The following NLRP1 variants were observed in gnomAD, a reference collection of about 807,000 sequenced individuals.
NLRP1 encodes NLR family pyrin domain containing 1, also known as NACHT, LRR and PYD domains-containing protein 1.
NLRP1 carries 94 observed loss-of-function variants against 136.7 expected under a neutral mutation model. That is an observed-to-expected ratio of 0.69 (90% CI 0.58 to 0.82). The LOEUF (loss-of-function observed/expected upper bound fraction) is 0.82. Ranked by LOEUF, NLRP1 falls within the 40% of genes least tolerant of loss-of-function variation. NLRP1 has a pLI of 0.00. For synonymous variants in NLRP1, 690 were observed against 725.1 expected, an observed-to-expected ratio of 0.95 and a Z score of 0.78; for missense variants, 1,575 against 1,802.7, an observed-to-expected ratio of 0.87 and a Z score of 2.29.
chr17:5,558,703 G>C lies in NLRP1; in HGVS notation c.1993C>G (p.Leu665Val). The change falls in exon 4 of 17, where the codon CTG becomes GTG. Residue 665 changes from leucine to valine, a missense_variant. By Grantham distance (32) the Leu-to-Val change is conservative (BLOSUM62 1). Transcript: ENST00000572272. ...KTLEAYGIHGLFGASTTRFLL... is the reference protein window; with the variant it reads ...KTLEAYGIHGVFGASTTRFLL... ...AAACGTGTGGTTGATGCCCCAAACA[G>C]GCCATGTATTCCATATGCTTCTAGC... 6.2e-7 allele frequency: 1 copy of C among 1,614,054 alleles called. No homozygotes were observed. The highest frequency in any genetic ancestry group is 8.5e-7 in the Non-Finnish European group (1 of 1,180,014).
At chr17:5,525,086 C>T (rs1057078120) in intron 12 of NLRP1, among the ~76,000 whole-genome samples, 5 of 152,318 alleles carry the variant, frequency 3.3e-5, no homozygotes, top group African/African-American at 1.2e-4. Context: ...TGGAGGAAGT[C>T]TCACTGGCAG....
chr17:5,536,912 T>A lies in NLRP1; in HGVS notation c.2899A>T (p.Met967Leu), dbSNP rs768862341. The A allele has an allele frequency of 3.1e-6, 5 of 1,613,706 alleles. No individual in the cohort carries two copies. Among genetic ancestry groups the A allele is most frequent in the Admixed American group, 3.3e-5 (2 of 60,014 alleles). Residue 967 changes from methionine (M) to leucine (L), a missense_variant, in exon 8 of 17, where the codon ATG becomes TTG. Transcript: ENST00000572272. ...GLDQTTLSDE[M>L]RQELRALEQE... The stretch of plus-strand genomic sequence containing the variant: ...TCCAGGGCCCTCAGTTCCTGCCTCA[T>A]CTCATCACTCAGAGTTGTCTGGTCC...
chr17:5,516,108 C>T (rs971896574), intron 15 of NLRP1, among the ~76,000 whole-genome samples: 2 of 143,338 alleles, frequency 1.4e-5, no homozygotes, highest in African/African-American at 5.1e-5. Flanking sequence ...GGGAAGTTCA[C>T]AGCAGCTCGC....
intron 3 of NLRP1, among the ~76,000 whole-genome samples, chr17:5,577,369 G>T (rs143648790): frequency 0.018 from 2,706 of 152,230 alleles, 75 homozygotes; most frequent in African/African-American, 0.062. Context: ...AAACCCCATC[G>T]TCTCAGCCCA....
chr17:5,560,095 A>G, intron 3 of NLRP1, 52 bp from the exon 4 acceptor site: 1 of 1,434,436 alleles, frequency 7.0e-7, no homozygotes, highest in Non-Finnish European at 9.2e-7. Flanking sequence ...AGAAGAATTA[A>G]TTAATTAATT....
intron 3 of NLRP1, among the ~76,000 whole-genome samples, chr17:5,568,991 T>A (rs1428835107): frequency 2.0e-5 from 3 of 152,066 alleles, no homozygotes; most frequent in Non-Finnish European, 2.9e-5. Context: ...ACTATGACTG[T>A]GCTCCAACCA....
intron 5 of NLRP1, among the ~76,000 whole-genome samples, chr17:5,546,944 C>A (rs186462646): frequency 1.3e-5 from 2 of 152,076 alleles, no homozygotes; most frequent in African/African-American, 4.8e-5. Flanking sequence ...GGTGCTACCC[C>A]CAGTGAGCCA....
In NLRP1 at chr17:5,559,985, C is replaced by A. The variant is rs1298711805; in HGVS notation, c.711G>T (p.Val237=). ...TGTGCGCCTGTGGGGGCGTTCCTAC[C>A]ACCGCTGCCCATGGGGGCCTGCCTT... The part of the protein sequence containing the change: ...SEKGRPPWAA[V]VGTPPQAHTS... Residue 237 remains valine (V), a synonymous_variant, in exon 4 of 17, where the codon GTG becomes GTT. Coordinates refer to ENST00000572272, the MANE Select transcript of NLRP1 (RefSeq NM_033004.4). 3.1e-6 allele frequency: 5 copies of A among 1,606,578 alleles called. No homozygotes were observed. Among genetic ancestry groups the A allele is most frequent in the Non-Finnish European group, 4.2e-6 (5 of 1,176,682 alleles).
rs767434640 is a variant in NLRP1 at position 5,533,898 on chromosome 17, T to C, written c.3051A>G (p.Ser1017=). ...TSSLKRQRLG[S]ERAASHVAQA... is the part of the protein sequence containing the mutation. ...CCCAGCCTTGCCCCTTCAAACTACC[T>C]GATCCGAGTCTCTGCCGCTTGAGTG... The change falls in exon 9 of 17, where the codon TCA becomes TCG. Residue 1017 remains serine, a splice_region_variant and synonymous_variant. Coordinates refer to ENST00000572272, the MANE Select transcript of NLRP1 (RefSeq NM_033004.4). The C allele has an allele frequency of 6.2e-7, 1 of 1,606,038 alleles. No homozygotes were observed. The highest frequency in any genetic ancestry group is 8.5e-7 in the Non-Finnish European group (1 of 1,174,252).
At chr17:5,516,264 C>G (rs1267680676) in intron 15 of NLRP1, among the ~76,000 whole-genome samples, 1 of 152,118 alleles carries the variant, frequency 6.6e-6, no homozygotes, top group African/African-American at 2.4e-5. Context: ...TTTACATGCT[C>G]TCTGCTGACT....
downstream of NLRP1, among the ~76,000 whole-genome samples, chr17:5,509,711 G>T (rs879868472): frequency 1.3e-5 from 2 of 152,128 alleles, no homozygotes; most frequent in Non-Finnish European, 2.9e-5. Context: ...TGCTATGTTG[G>T]CCAGGCCGGT....
At chr17:5,560,389 A>G (rs548756196) in intron 3 of NLRP1, among the ~76,000 whole-genome samples, 7 of 152,188 alleles carry the variant, frequency 4.6e-5, no homozygotes, top group Non-Finnish European at 8.8e-5. Context: ...ATTAGCCCCT[A>G]TGAGCCTCAG....
chr17:5,536,782 GCT>G, intron 8 of NLRP1, 67 bp downstream of exon 8: 1 of 1,111,854 alleles, frequency 9.0e-7, no homozygotes, highest in Admixed American at 1.7e-5. Context: ...TCACCCCATG[GCT>G]CTTTCCCTGT....
downstream of NLRP1, among the ~76,000 whole-genome samples, chr17:5,510,686 T>A (rs1434960641): frequency 4.0e-5 from 6 of 151,802 alleles, no homozygotes; most frequent in African/African-American, 1.2e-4. Flanking sequence ...AAAAAAAATT[T>A]TTTTTTTTAA....
exon 16 of NLRP1, chr17:5,501,820 T>C (rs1373524749): frequency 1.2e-6 from 2 of 1,613,846 alleles, no homozygotes; most frequent in Non-Finnish European, 1.7e-6. Flanking sequence ...GGCACTAGTA[T>C]CTCCTGGCGT....
rs1184542675 is a variant in NLRP1, at chr17:5,583,132, A to G, written c.272-286T>C. 6.6e-6 allele frequency among the ~76,000 whole-genome samples: 1 copy of G among 152,122 alleles called. No individual in the cohort carries two copies. The highest frequency in any genetic ancestry group is 1.5e-5 in the Non-Finnish European group (1 of 68,016). ...TCCTACTGAGCCTCAGCTGTGCTTT[A>G]TTGGGCCAACGGCATCTGCAACCCA... is the stretch of plus-strand genomic sequence containing the variant. On this transcript the variant is annotated intron_variant, in intron 1 of 16. Transcript: ENST00000572272. This position sits in a 1 kb window ranked among gnomAD's most constrained non-coding sequence, Gnocchi z 4.5.
At position 5,558,791 on chromosome 17, in the gene NLRP1, A is replaced by G. The variant is rs761886465; in HGVS notation, c.1905T>C (p.Tyr635=). The part of the protein sequence containing the change: ...CFQEFFAAMS[Y]VLEDEKGRGK... ...CTCTCCCCTTCTCATCCTCCAAGACATAGGACATTGCTGCAAAGAACTCTT... is the reference window on the plus strand; with the variant it reads ...CTCTCCCCTTCTCATCCTCCAAGACGTAGGACATTGCTGCAAAGAACTCTT... Residue 635 remains tyrosine, a synonymous_variant, in exon 4 of 17, where the codon TAT becomes TAC. Coordinates refer to ENST00000572272, the MANE Select transcript of NLRP1 (RefSeq NM_033004.4). The G allele has an allele frequency of 1.9e-6, 3 of 1,614,182 alleles. No homozygotes were observed. The South Asian group carries it at 3.3e-5, about 18-fold the overall frequency.
rs200632399 is a variant in NLRP1 at position 5,553,502 on chromosome 17, G to A, written c.2412C>T (p.Leu804=). Residue 804 remains leucine (L), a synonymous_variant, in exon 5 of 17, where the codon CTC becomes CTT. Coordinates refer to ENST00000572272, the MANE Select transcript of NLRP1 (RefSeq NM_033004.4). ...DAYWQILFSV[L]KVTRNLKELD... is the part of the protein sequence containing the mutation. ...GCTCCTTCAGGTTTCTGGTGACCTT[G>A]AGGACGGAGAAGAGAATCTGCCAAT... 1.7e-5 allele frequency: 28 copies of A among 1,614,224 alleles called. No individual in the cohort carries two copies. The highest frequency in any genetic ancestry group is 4.4e-5 in the South Asian group (4 of 91,084).
At chr17:5,510,366 G>T (rs555843890), downstream of NLRP1, among the ~76,000 whole-genome samples, 712 of 146,412 alleles carry the variant, frequency 4.9e-3, 9 homozygotes, top group African/African-American at 0.016. Context: ...AAAAAAACTG[G>T]TTTTTTTTTT....
Sources: gnomAD v4.1 joint callset for allele counts (sites outside exome capture counted in the v4.1 genomes callset) on GRCh38, gnomAD v4.1.1 for gene constraint, Gnocchi (gnomAD v3.1) non-coding constraint, MANE v1.5 for transcripts, NCBI Gene and HGNC (gene_info 2026-07-23, HGNC 2026-07-21) for gene names.